MDGA2: variants seen among roughly 807,000 people sequenced by gnomAD.
MDGA2 encodes MAM domain-containing glycosylphosphatidylinositol anchor protein 2.
Under a neutral mutation model 117.8 loss-of-function variants are expected in MDGA2, and 40 were observed. The observed-to-expected ratio is 0.34, with a 90% CI of 0.26 to 0.44. The LOEUF (loss-of-function observed/expected upper bound fraction) is 0.44. Among genes scored for constraint, MDGA2 ranks in the 20% least tolerant of loss-of-function variants. MDGA2 has a pLI of 1.00. For missense variants in MDGA2, 1,123 were observed against 1,250.6 expected (o/e 0.90, Z 1.54); for synonymous variants, 452 against 439.0 (o/e 1.03, Z -0.37).
At position 47,195,103 on chromosome 14, in the gene MDGA2, G is replaced by C. The variant is rs115047554; in HGVS notation, c.595+22918C>G. Among the ~76,000 whole-genome samples, 957 of 151,962 alleles carry C rather than the reference G, an allele frequency of 6.3e-3. 13 individuals carry two copies. Among genetic ancestry groups the C allele is most frequent in the African/African-American group, 0.022 (921 of 41,482 alleles). On this transcript the variant is annotated intron_variant, in intron 3 of 16. Transcript: ENST00000399232. Reference sequence around the variant, plus strand: ...TCAGTGTATCTGTTAAATAATGATAGTACATATTCTATTTAAAACCAGTGG... The same window carrying C: ...TCAGTGTATCTGTTAAATAATGATACTACATATTCTATTTAAAACCAGTGG...
intron 1 of MDGA2, among the ~76,000 whole-genome samples, chr14:47,633,387 C>G (rs1016290254): frequency 7.2e-5 from 11 of 152,262 alleles, no homozygotes; most frequent in Admixed American, 5.9e-4. Context: ...AGGCTGTGCA[C>G]TTTTAAAAGC....
rs1413790229 is a variant in MDGA2 at position 46,955,404 on chromosome 14, A to ATTTTTTTG, written c.2089+1969_2089+1970insCAAAAAAA. Among the ~76,000 whole-genome samples the ATTTTTTTG allele has an allele frequency of 5.3e-5, 8 of 152,224 alleles. No individual in the cohort carries two copies. In the East Asian group the frequency reaches 1.5e-3, roughly 29 times the overall value. The stretch of plus-strand genomic sequence containing the variant: ...ACTGCTATGACTTCACCATTAAAAT[A>ATTTTTTTG]CGAGTAAATAAAATATATGCAAATG... On this transcript the variant is annotated intron_variant, in intron 9 of 16. Coordinates refer to ENST00000399232, the MANE Select transcript of MDGA2 (RefSeq NM_001113498.3).
chr14:47,599,766 G>C (rs1164192727), intron 1 of MDGA2, among the ~76,000 whole-genome samples: 1 of 152,090 alleles, frequency 6.6e-6, no homozygotes, highest in Non-Finnish European at 1.5e-5. Context: ...TCAGTGAGTG[G>C]GTCAGTGCTA....
intron 3 of MDGA2, among the ~76,000 whole-genome samples, chr14:47,198,571 C>A (rs150914595): frequency 0.097 from 13,943 of 143,298 alleles, 691 homozygotes; most frequent in Middle Eastern, 0.14. Flanking sequence ...GACTCCGTCT[C>A]AAAAAAAAAA....
chr14:47,268,919 C>T (rs776338985), intron 2 of MDGA2, among the ~76,000 whole-genome samples: 4 of 143,814 alleles, frequency 2.8e-5, no homozygotes, highest in Admixed American at 1.4e-4. Flanking sequence ...AATAAATATG[C>T]TTTACTTTTT....
At chr14:47,193,467 A>AT (rs5808382) in intron 3 of MDGA2, among the ~76,000 whole-genome samples, 6,630 of 152,068 alleles carry the variant, frequency 0.044, 245 homozygotes, top group East Asian at 0.19. Flanking sequence ...ATTATTCTGA[A>AT]TTTTTTTGCA....
Position 46,869,430 on chromosome 14 carries a change from G to T in MDGA2, c.2752+4003C>A, listed in dbSNP as rs186613715. Among the ~76,000 whole-genome samples the T allele has an allele frequency of 2.2e-3, 334 of 149,704 alleles. 1 individual carries two copies. The highest frequency in any genetic ancestry group is 7.9e-3 in the African/African-American group (318 of 40,452). The stretch of plus-strand genomic sequence containing the variant: ...ATTGAAATGTCCATTAGTAGTCACA[G>T]GAATGCTGAAAGAATCTTTTATTAT... On this transcript the variant is annotated intron_variant, in intron 14 of 16. Coordinates refer to ENST00000399232, the MANE Select transcript of MDGA2 (RefSeq NM_001113498.3).
At chr14:47,057,473 A>T (rs551573001) in intron 7 of MDGA2, among the ~76,000 whole-genome samples, 76 of 150,878 alleles carry the variant, frequency 5.0e-4, no homozygotes, top group East Asian at 1.2e-3. Context: ...ATTTTAAATT[A>T]AAAAAAAAAT....
At chr14:46,953,179 T>C (rs1380974860) in intron 9 of MDGA2, among the ~76,000 whole-genome samples, 1 of 151,750 alleles carries the variant, frequency 6.6e-6, no homozygotes, top group Admixed American at 6.6e-5. Flanking sequence ...ACTTAGTAAG[T>C]AGAGAGTAAA....
intron 1 of MDGA2, among the ~76,000 whole-genome samples, chr14:47,568,067 G>A (rs1895952102): frequency 6.6e-6 from 1 of 151,922 alleles, no homozygotes; most frequent in African/African-American, 2.4e-5. Flanking sequence ...GTACTGCTGG[G>A]GCCCTAATAA....
At chr14:47,436,787 G>A (rs553931315) in intron 1 of MDGA2, among the ~76,000 whole-genome samples, 94 of 152,218 alleles carry the variant, frequency 6.2e-4, no homozygotes, top group African/African-American at 1.9e-3. Context: ...CAGTGGCCAC[G>A]GGTTGGACAA....
intron 1 of MDGA2, among the ~76,000 whole-genome samples, chr14:47,540,540 G>GTGTATATATATATATATATATA: frequency 1.3e-5 from 1 of 79,188 alleles, no homozygotes; most frequent in African/African-American, 3.9e-5. Flanking sequence ...GTGTGTGTGT[G>GTGTATATATATATATATATATA]TATATATATA....
intron 9 of MDGA2, among the ~76,000 whole-genome samples, chr14:46,929,608 T>TATATA (rs1884469544): frequency 3.0e-4 from 4 of 13,170 alleles, no homozygotes; most frequent in African/African-American, 1.1e-3. Flanking sequence ...TGTGTATATA[T>TATATA]ATATATATAT....
At chr14:47,171,753 G>A (rs946976821) in intron 3 of MDGA2, among the ~76,000 whole-genome samples, 2 of 152,166 alleles carry the variant, frequency 1.3e-5, no homozygotes, top group Non-Finnish European at 2.9e-5. Context: ...TTCCATCTGA[G>A]GTATTGTGTT....
chr14:47,600,861 A>C (rs1896634920), intron 1 of MDGA2, among the ~76,000 whole-genome samples: 1 of 152,208 alleles, frequency 6.6e-6, no homozygotes, highest in Non-Finnish European at 1.5e-5. Flanking sequence ...GTTAGCCAGT[A>C]GGTTTCCCAT....
intron 4 of MDGA2, among the ~76,000 whole-genome samples, chr14:47,142,780 T>G (rs1882778340): frequency 6.6e-6 from 1 of 152,140 alleles, no homozygotes. Context: ...GTGGCCTAAA[T>G]CAAGAGACGA....
chr14:47,341,111 G>A (rs981124030), intron 1 of MDGA2, among the ~76,000 whole-genome samples: 2 of 152,114 alleles, frequency 1.3e-5, no homozygotes, highest in African/African-American at 2.4e-5. Context: ...AGTTTCATCT[G>A]CTATCTTATA....
intron 1 of MDGA2, among the ~76,000 whole-genome samples, chr14:47,566,866 G>T (rs1159761628): frequency 6.6e-6 from 1 of 151,398 alleles, no homozygotes; most frequent in Non-Finnish European, 1.5e-5. Flanking sequence ...GTTCCTTGGT[G>T]GTAGACTCTC....
intron 1 of MDGA2, among the ~76,000 whole-genome samples, chr14:47,365,539 G>A (rs147787047): frequency 1.3e-5 from 2 of 152,352 alleles, no homozygotes; most frequent in Non-Finnish European, 2.9e-5. Context: ...GAAAGGCCTA[G>A]ACAGCTCAGA....
Sources: gnomAD v4.1 joint callset for allele counts (sites outside exome capture counted in the v4.1 genomes callset) on GRCh38, gnomAD v4.1.1 for gene constraint, MANE v1.5 for transcripts, NCBI Gene and HGNC (gene_info 2026-07-23, HGNC 2026-07-21) for gene names.